Variants in RFTN1 observed in about 807,000 individuals in gnomAD.
RFTN1 encodes the protein raftlin.
In RFTN1, 26 loss-of-function variants were observed where a neutral mutation model predicts 46.5. That is an observed-to-expected ratio of 0.56 (90% CI 0.41 to 0.78). The LOEUF is 0.78. RFTN1 is among the 30% of genes least tolerant of loss of function. The pLI, the probability that RFTN1 is intolerant of heterozygous loss-of-function variation, is 0.00. For synonymous variants in RFTN1, 261 were observed against 284.2 expected (o/e 0.92, Z 0.82); for missense variants, 693 against 718.7 (o/e 0.96, Z 0.41).
At position 16,484,103 on chromosome 3, in the gene RFTN1, T is replaced by A. The variant is rs1420031478; in HGVS notation, c.145+9622A>T. On this transcript the variant is annotated intron_variant, in intron 2 of 9. Coordinates refer to ENST00000334133, the MANE Select transcript of RFTN1 (RefSeq NM_015150.2). This position sits in a 1 kb window ranked among gnomAD's most constrained non-coding sequence, Gnocchi z 4.6. ...GAAAGGCTAATAGTGCCAGGATTTA[T>A]AACTAGCCATTAGGCACCCAAACAC... Among the ~76,000 whole-genome samples the A allele has an allele frequency of 6.6e-6, 1 of 152,254 alleles. No homozygotes were observed. The highest frequency in any genetic ancestry group is 2.4e-5 in the African/African-American group (1 of 41,476).
At chr3:16,347,732 A>G (rs1393013650) in intron 7 of RFTN1, 2 of 152,234 alleles carry the variant, frequency 1.3e-5, no homozygotes, top group Non-Finnish European at 2.9e-5. Flanking sequence ...AGTCTTTACT[A>G]TATACACATT....
chr3:16,445,481 TCTCACA>T (rs1468564252), intron 2 of RFTN1, among the ~76,000 whole-genome samples: 8 of 54,958 alleles, frequency 1.5e-4, no homozygotes, highest in Non-Finnish European at 1.1e-4. Context: ...TCTCTCTCTC[TCTCACA>T]CACACACACA....
rs898950858 is a variant in RFTN1, at chr3:16,382,429, C to T, written c.442-4327G>A. Among the ~76,000 whole-genome samples, 1 of 152,152 alleles carries T rather than the reference C, an allele frequency of 6.6e-6. No individual in the cohort carries two copies. Among genetic ancestry groups the T allele is most frequent in the African/African-American group, 2.4e-5 (1 of 41,416 alleles). On this transcript the variant is annotated intron_variant, in intron 4 of 9. Coordinates refer to ENST00000334133, the MANE Select transcript of RFTN1 (RefSeq NM_015150.2). This position sits in a 1 kb window ranked among gnomAD's most constrained non-coding sequence, Gnocchi z 4.7. Reference sequence around the variant, plus strand: ...CTCATTCTTGCATTTATAACCTTTACTGAGCCAGTCTCACATTCATCATGG... The same window carrying T: ...CTCATTCTTGCATTTATAACCTTTATTGAGCCAGTCTCACATTCATCATGG...
chr3:16,481,736 T>C lies in RFTN1; in HGVS notation c.145+11989A>G, dbSNP rs2076370753. ...GGAGAAACTGTTTAATCTAATAGTCTGGAAATTATATTGGAAGAAACAGAT... is the reference window on the plus strand; with the variant it reads ...GGAGAAACTGTTTAATCTAATAGTCCGGAAATTATATTGGAAGAAACAGAT... On this transcript the variant is annotated intron_variant, in intron 2 of 9. Coordinates refer to ENST00000334133, the MANE Select transcript of RFTN1 (RefSeq NM_015150.2). The surrounding 1 kb of genome is among the most constrained non-coding windows in gnomAD (Gnocchi z 5.1). 6.6e-6 allele frequency among the ~76,000 whole-genome samples: 1 copy of C among 152,184 alleles called. No individual in the cohort carries two copies. Among genetic ancestry groups the C allele is most frequent in the African/African-American group, 2.4e-5 (1 of 41,442 alleles).
intron 2 of RFTN1, among the ~76,000 whole-genome samples, chr3:16,491,783 A>C (rs932653895): frequency 3.9e-5 from 6 of 152,032 alleles, no homozygotes; most frequent in Admixed American, 6.6e-5. Context: ...ACAAACAAAA[A>C]AAAAAAACAA....
chr3:16,444,338 T>C (rs1259824640), intron 2 of RFTN1, among the ~76,000 whole-genome samples: 9 of 152,234 alleles, frequency 5.9e-5, no homozygotes, highest in Admixed American at 5.2e-4. Flanking sequence ...TGTAAAATGA[T>C]TTGTCATAGA....
chr3:16,421,268 T>C lies in RFTN1; in HGVS notation c.333-11785A>G, dbSNP rs1422018182. Among the ~76,000 whole-genome samples, 2 of 152,134 alleles carry C rather than the reference T, an allele frequency of 1.3e-5. No individual in the cohort carries two copies. Among genetic ancestry groups the C allele is most frequent in the Non-Finnish European group, 2.9e-5 (2 of 68,014 alleles). ...ATTCATTGTTAACATAATGGAACTA[T>C]AACACACTTTTCAAAAAGTCTTCTT... On this transcript the variant is annotated intron_variant, in intron 3 of 9. Coordinates refer to ENST00000334133, the MANE Select transcript of RFTN1 (RefSeq NM_015150.2). The surrounding 1 kb of genome is among the most constrained non-coding windows in gnomAD (Gnocchi z 4.6).
chr3:16,391,496 G>A (rs1010497204), intron 4 of RFTN1, among the ~76,000 whole-genome samples: 3 of 152,130 alleles, frequency 2.0e-5, no homozygotes, highest in African/African-American at 7.2e-5. Context: ...CCACTGGAGT[G>A]TCAGAAGGCA....
chr3:16,483,449 T>A lies in RFTN1; in HGVS notation c.145+10276A>T, dbSNP rs1419309888. On this transcript the variant is annotated intron_variant, in intron 2 of 9. Coordinates refer to ENST00000334133, the MANE Select transcript of RFTN1 (RefSeq NM_015150.2). The surrounding 1 kb of genome is among the most constrained non-coding windows in gnomAD (Gnocchi z 4.8). ...GACTTAAGCTGAGTCTGTTGACACC[T>A]GTTCTGTAGTGTCAACTGTAGGTGG... is the stretch of plus-strand genomic sequence containing the variant. 1.3e-5 allele frequency among the ~76,000 whole-genome samples: 2 copies of A among 152,174 alleles called. No individual in the cohort carries two copies. The highest frequency in any genetic ancestry group is 3.9e-4 in the East Asian group (2 of 5,192).
intron 4 of RFTN1, among the ~76,000 whole-genome samples, chr3:16,389,914 T>C (rs523909): frequency 0.2 from 30,066 of 152,180 alleles, 3,371 homozygotes; most frequent in East Asian, 0.29. Flanking sequence ...CATGAACTTC[T>C]ACCTTCTTCT....
chr3:16,403,815 T>C (rs2074697438), intron 4 of RFTN1, among the ~76,000 whole-genome samples: 1 of 11,858 alleles, frequency 8.4e-5, no homozygotes, highest in Non-Finnish European at 1.2e-4. Context: ...TTATATATTT[T>C]ATATTATATT....
At chr3:16,434,802 G>A (rs1316935907) in intron 2 of RFTN1, 1 of 151,986 alleles carries the variant, frequency 6.6e-6, no homozygotes. Flanking sequence ...TTAAGACAAA[G>A]GGCTAATTTC....
Position 16,338,390 on chromosome 3 carries a change from C to T in RFTN1, c.1147-11514G>A, listed in dbSNP as rs547155196. Among the ~76,000 whole-genome samples the T allele has an allele frequency of 1.1e-4, 17 of 152,352 alleles. No individual in the cohort carries two copies. The highest frequency in any genetic ancestry group is 2.2e-4 in the Non-Finnish European group (15 of 68,034). ...CTCTGACCCGTAGCAGGGACAGGCA[C>T]TGCAGTTCTGACTGTGGTTAAGCAA... On this transcript the variant is annotated intron_variant, in intron 7 of 9. Coordinates refer to ENST00000334133, the MANE Select transcript of RFTN1 (RefSeq NM_015150.2). This position sits in a 1 kb window ranked among gnomAD's most constrained non-coding sequence, Gnocchi z 5.3.
intron 2 of RFTN1, among the ~76,000 whole-genome samples, chr3:16,436,310 G>A (rs1317202605): frequency 6.7e-6 from 1 of 149,806 alleles, no homozygotes; most frequent in Non-Finnish European, 1.5e-5. Flanking sequence ...CCAATTTGTT[G>A]CTTGCCTTTT....
In RFTN1 at chr3:16,446,870, G is replaced by A. The variant is rs2075740907; in HGVS notation, c.146-12833C>T. 6.6e-6 allele frequency among the ~76,000 whole-genome samples: 1 copy of A among 152,122 alleles called. No homozygotes were observed. The highest frequency in any genetic ancestry group is 2.4e-5 in the African/African-American group (1 of 41,418). ...GACTCTGTAACAAAATTTCACACTG[G>A]TTTATCAATAAAGTCTTAGGTGAAT... On this transcript the variant is annotated intron_variant, in intron 2 of 9. Transcript: ENST00000334133. The surrounding 1 kb of genome is among the most constrained non-coding windows in gnomAD (Gnocchi z 4.5).
intron 3 of RFTN1, among the ~76,000 whole-genome samples, chr3:16,423,292 G>C (rs1358753664): frequency 2.0e-5 from 3 of 152,130 alleles, no homozygotes; most frequent in Admixed American, 2.0e-4. Context: ...CTGCAGGGAT[G>C]GGGGGTTTGC....
Position 16,329,956 on chromosome 3 carries a change from G to A in RFTN1, c.1147-3080C>T, listed in dbSNP as rs910507055. On this transcript the variant is annotated intron_variant, in intron 7 of 9. Coordinates refer to ENST00000334133, the MANE Select transcript of RFTN1 (RefSeq NM_015150.2). The surrounding 1 kb of genome is among the most constrained non-coding windows in gnomAD (Gnocchi z 4.5). Reference sequence around the variant, plus strand: ...AACGACCCCTGCTGCAGCCCGACCCGCCTGCTTAGACAGACTGCAAACCGG... The same window carrying A: ...AACGACCCCTGCTGCAGCCCGACCCACCTGCTTAGACAGACTGCAAACCGG... 3.3e-5 allele frequency among the ~76,000 whole-genome samples: 5 copies of A among 152,216 alleles called. No individual in the cohort carries two copies. In the South Asian group the frequency reaches 8.3e-4, roughly 25 times the overall value.
At position 16,474,604 on chromosome 3, in the gene RFTN1, A is replaced by C. The variant is rs1444166900; in HGVS notation, c.145+19121T>G. ...ACTTTAAAGCACTCAAGGAGAGGTG[A>C]AGAAAAAAAAAATAGGCTCCCCTCC... On this transcript the variant is annotated intron_variant, in intron 2 of 9. Coordinates refer to ENST00000334133, the MANE Select transcript of RFTN1 (RefSeq NM_015150.2). The surrounding 1 kb of genome is among the most constrained non-coding windows in gnomAD (Gnocchi z 5.5). Among the ~76,000 whole-genome samples the C allele has an allele frequency of 6.6e-6, 1 of 152,186 alleles. No individual in the cohort carries two copies. Among genetic ancestry groups the C allele is most frequent in the East Asian group, 1.9e-4 (1 of 5,198 alleles).
rs1441437796 is a variant in RFTN1 at position 16,329,159 on chromosome 3, T to G, written c.1147-2283A>C. Among the ~76,000 whole-genome samples the G allele has an allele frequency of 6.6e-6, 1 of 152,210 alleles. No individual in the cohort carries two copies. Among genetic ancestry groups the G allele is most frequent in the East Asian group, 1.9e-4 (1 of 5,190 alleles). On this transcript the variant is annotated intron_variant, in intron 7 of 9. Transcript: ENST00000334133. This position sits in a 1 kb window ranked among gnomAD's most constrained non-coding sequence, Gnocchi z 4.5. ...AAGTTCAGTCTCCTGCTCTCTCCCC[T>G]CTTTTCTGCGCTTCCGCCTCGGGAT...
Sources: gnomAD v4.1 joint callset for allele counts (sites outside exome capture counted in the v4.1 genomes callset) on GRCh38, gnomAD v4.1.1 for gene constraint, Gnocchi (gnomAD v3.1) non-coding constraint, MANE v1.5 for transcripts, NCBI Gene and HGNC (gene_info 2026-07-23, HGNC 2026-07-21) for gene names.